The following LRP2 variants were observed in gnomAD, a reference collection of about 807,000 sequenced individuals.
LRP2 encodes the protein low-density lipoprotein receptor-related protein 2.
A neutral mutation model predicts 531.0 loss-of-function variants in LRP2; 172 were observed. The observed-to-expected ratio is 0.32, with a 90% CI of 0.29 to 0.37. The LOEUF is 0.37. LRP2 is among the 10% of genes least tolerant of loss of function. The probability of loss-of-function intolerance (pLI) is 1.00; values close to 1 mark genes in which losing one functional copy is unlikely to be tolerated. For missense variants in LRP2, 5,167 were observed against 5,868.3 expected (o/e 0.88, Z 3.90); for synonymous variants, 1,992 against 2,027.6 (o/e 0.98, Z 0.47).
At chr2:169,258,919 T>C in intron 17 of LRP2, 106 bp downstream of exon 17, 1 of 1,012,146 alleles carries the variant, frequency 9.9e-7, no homozygotes, top group Admixed American at 1.7e-5. Context: ...CTTATACAGT[T>C]CAATCTTATA....
chr2:169,320,174 A>C (rs771774975), intron 2 of LRP2, among the ~76,000 whole-genome samples: 2 of 152,244 alleles, frequency 1.3e-5, no homozygotes, highest in Non-Finnish European at 2.9e-5. Flanking sequence ...CCGACCTCAG[A>C]AGATTAGTGA....
At chr2:169,205,123 G>A (rs888792605) in intron 41 of LRP2, among the ~76,000 whole-genome samples, 1 of 151,560 alleles carries the variant, frequency 6.6e-6, no homozygotes, top group Non-Finnish European at 1.5e-5. Flanking sequence ...GCATTTAAAA[G>A]TCATTCAGAT....
rs1341865503 is a variant in LRP2, at chr2:169,184,746, G to A, written c.9845+757C>T. Among the ~76,000 whole-genome samples the A allele has an allele frequency of 2.1e-5, 3 of 142,654 alleles. No homozygotes were observed. The East Asian group carries it at 6.0e-4, about 29-fold the overall frequency. 93.6% of individuals were successfully genotyped at this position (142,654 alleles called of 152,430 possible). ...CCCATGCTGGGAATGACTAGTATTG[G>A]TTGTTTTTTTTGTTTTGTTTGTTTT... On this transcript the variant is annotated intron_variant, in intron 50 of 78. Coordinates refer to ENST00000649046, the MANE Select transcript of LRP2 (RefSeq NM_004525.3).
intron 31 of LRP2, among the ~76,000 whole-genome samples, chr2:169,230,558 C>T (rs1689361674): frequency 6.6e-6 from 1 of 152,110 alleles, no homozygotes; most frequent in African/African-American, 2.4e-5. Flanking sequence ...AATATGTGAT[C>T]ATTAAACATT....
At chr2:169,255,949 C>T (rs567842429) in intron 19 of LRP2, among the ~76,000 whole-genome samples, 157 bp downstream of exon 19, 1 of 139,344 alleles carries the variant, frequency 7.2e-6, no homozygotes, top group African/African-American at 2.8e-5. Context: ...ATCAACAAAC[C>T]AAATGTTTTG....
chr2:169,290,683 C>T (rs2105466976), intron 8 of LRP2, among the ~76,000 whole-genome samples, 162 bp downstream of exon 8: 1 of 152,248 alleles, frequency 6.6e-6, no homozygotes, highest in East Asian at 1.9e-4. Context: ...CCTAGCCAAC[C>T]CACAGAACTG....
intron 50 of LRP2, 65 bp downstream of exon 50, chr2:169,185,438 A>G (rs1687599893): frequency 3.3e-6 from 5 of 1,520,876 alleles, no homozygotes; most frequent in Non-Finnish European, 4.5e-6. Flanking sequence ...TTTCCTATCA[A>G]GATGAAAACA....
intron 46 of LRP2, 88 bp downstream of exon 46, chr2:169,196,823 T>C (rs1688019761): frequency 6.4e-7 from 1 of 1,573,164 alleles, no homozygotes; most frequent in Admixed American, 1.7e-5. Flanking sequence ...TCAGCAGCCA[T>C]GACCCTGGTC....
chr2:169,330,968 T>A (rs1685248635), intron 1 of LRP2, among the ~76,000 whole-genome samples: 1 of 152,174 alleles, frequency 6.6e-6, no homozygotes, highest in South Asian at 2.1e-4. Context: ...AATCTCACGC[T>A]GCAGCTGCTA....
chr2:169,260,101 G>A (rs540687977), intron 16 of LRP2, among the ~76,000 whole-genome samples: 22 of 152,052 alleles, frequency 1.4e-4, no homozygotes, highest in Non-Finnish European at 2.9e-4. Context: ...CATTAGTATC[G>A]TTCCTATTCT....
chr2:169,240,862 T>C, intron 25 of LRP2, 126 bp downstream of exon 25: 1 of 1,101,754 alleles, frequency 9.1e-7, no homozygotes, highest in Non-Finnish European at 1.4e-6. Context: ...CCTACACAGA[T>C]GTGAACTCAT....
chr2:169,196,326 A>G (rs1018153351), intron 46 of LRP2, among the ~76,000 whole-genome samples: 8 of 152,240 alleles, frequency 5.3e-5, no homozygotes, highest in African/African-American at 1.9e-4. Flanking sequence ...TTGTATTTTT[A>G]TATTTTTACA....
chr2:169,236,044 G>A lies in LRP2; in HGVS notation c.4716C>T (p.Asp1572=), dbSNP rs1689593415. ...RMNEHLLFWS[D]WGHHPRIERA... Reference sequence around the variant, plus strand: ...GCTCGATGCGAGGGTGGTGGCCCCAGTCAGACCAGAACAGTAGATGCTCAC... The same window carrying A: ...GCTCGATGCGAGGGTGGTGGCCCCAATCAGACCAGAACAGTAGATGCTCAC... Residue 1572 remains aspartate, a synonymous_variant, in exon 29 of 79, where the codon GAC becomes GAT. Coordinates refer to ENST00000649046, the MANE Select transcript of LRP2 (RefSeq NM_004525.3). The A allele has an allele frequency of 1.5e-5, 24 of 1,613,840 alleles. No individual in the cohort carries two copies. Among genetic ancestry groups the A allele is most frequent in the Non-Finnish European group, 2.0e-5 (24 of 1,179,916 alleles).
At chr2:169,167,517 T>C (rs1456512636) in intron 61 of LRP2, among the ~76,000 whole-genome samples, 1 of 152,134 alleles carries the variant, frequency 6.6e-6, no homozygotes, top group African/African-American at 2.4e-5. Flanking sequence ...TGTTAATGTA[T>C]AGATTGCTGG....
At chr2:169,180,573 A>T (rs1687390440) in intron 52 of LRP2, among the ~76,000 whole-genome samples, 1 of 152,250 alleles carries the variant, frequency 6.6e-6, no homozygotes, top group Non-Finnish European at 1.5e-5. Context: ...CTTCTTTTTC[A>T]GTGGCATGTC....
chr2:169,163,827 A>G (rs969761790), intron 62 of LRP2, among the ~76,000 whole-genome samples: 1 of 152,120 alleles, frequency 6.6e-6, no homozygotes, highest in African/African-American at 2.4e-5. Context: ...TTCCCTCTTC[A>G]TTTGCAGAGG....
intron 36 of LRP2, among the ~76,000 whole-genome samples, chr2:169,213,282 A>G (rs1688661600): frequency 6.6e-6 from 1 of 152,194 alleles, no homozygotes; most frequent in Non-Finnish European, 1.5e-5. Context: ...GCACTATTCT[A>G]ATCACCGAGT....
intron 77 of LRP2, among the ~76,000 whole-genome samples, chr2:169,129,285 T>C (rs986198434): frequency 1.3e-5 from 2 of 152,200 alleles, no homozygotes; most frequent in African/African-American, 4.8e-5. Flanking sequence ...CTGGGCTCTT[T>C]TAATCGAATG....
Position 169,151,004 on chromosome 2 carries a change from T to C in LRP2, c.12484A>G (p.Lys4162Glu). Residue 4162 changes from lysine to glutamate, a missense_variant, in exon 68 of 79, where the codon AAG (lysine) becomes GAG (glutamate). Transcript: ENST00000649046. ...TTAGCCACCTCAATGCGTTTATTCT[T>C]GACATCTGACCAGTAAATATGCCTG... The part of the protein sequence containing the change: ...VGRHIYWSDV[K>E]NKRIEVAKLD... 4.3e-6 allele frequency: 7 copies of C among 1,614,050 alleles called. No homozygotes were observed. The highest frequency in any genetic ancestry group is 5.9e-6 in the Non-Finnish European group (7 of 1,179,924).
Sources: allele counts gnomAD v4.1 joint callset (sites outside exome capture counted in the v4.1 genomes callset), GRCh38; gene constraint gnomAD v4.1.1; transcripts MANE v1.5; gene names NCBI Gene and HGNC (gene_info 2026-07-23, HGNC 2026-07-21).